PRUNE2: variants seen among roughly 807,000 people sequenced by gnomAD.
PRUNE2 encodes the protein prune homolog 2 with BCH domain, also known as protein prune homolog 2.
Under a neutral mutation model 252.0 loss-of-function variants are expected in PRUNE2, and 164 were observed. That is an observed-to-expected ratio of 0.65 (90% CI 0.57 to 0.74). The LOEUF (loss-of-function observed/expected upper bound fraction) is 0.74. Among genes scored for constraint, PRUNE2 ranks in the 30% least tolerant of loss-of-function variants. PRUNE2 has a pLI of 0.00. For missense variants in PRUNE2, 3,495 were observed against 3,711.0 expected (o/e 0.94, Z 1.51); for synonymous variants, 1,292 against 1,350.2 (o/e 0.96, Z 0.94).
chr9:76,651,741 C>G (rs1847481422), intron 11 of PRUNE2, among the ~76,000 whole-genome samples: 1 of 152,180 alleles, frequency 6.6e-6, no homozygotes, highest in Admixed American at 6.5e-5. Context: ...TAATTATCTT[C>G]TTTTTTATCA....
At chr9:76,834,456 A>G (rs2058844864) in intron 4 of PRUNE2, among the ~76,000 whole-genome samples, 1 of 152,220 alleles carries the variant, frequency 6.6e-6, no homozygotes, top group Non-Finnish European at 1.5e-5. Context: ...TTAAAAATCA[A>G]AAATTTAGAA....
At chr9:76,872,291 A>G (rs1333704674) in intron 1 of PRUNE2, among the ~76,000 whole-genome samples, 1 of 152,166 alleles carries the variant, frequency 6.6e-6, no homozygotes, top group African/African-American at 2.4e-5. Context: ...TCTTCTAAGA[A>G]GTGGAGGAAG....
chr9:76,800,622 A>C (rs912317743), intron 6 of PRUNE2, among the ~76,000 whole-genome samples: 4 of 152,190 alleles, frequency 2.6e-5, no homozygotes, highest in Admixed American at 2.0e-4. Context: ...TGTGAGGTTA[A>C]ATAACTTTTG....
chr9:76,720,937 TAAAAATACA>T (rs1354595697), intron 6 of PRUNE2, among the ~76,000 whole-genome samples: 2 of 152,000 alleles, frequency 1.3e-5, no homozygotes, highest in African/African-American at 4.8e-5. Context: ...CCATCTCCAC[TAAAAATACA>T]AAAAATTAGC....
intron 12 of PRUNE2, among the ~76,000 whole-genome samples, chr9:76,640,336 G>A (rs1842038351): frequency 6.6e-6 from 1 of 152,114 alleles, no homozygotes; most frequent in Admixed American, 6.6e-5. Flanking sequence ...TGACTCTACT[G>A]CAAAAAAATA....
chr9:76,614,609 A>G lies in PRUNE2; in HGVS notation c.9237-9T>C. The G allele has an allele frequency of 6.2e-7, 1 of 1,608,266 alleles. No individual in the cohort carries two copies. The highest frequency in any genetic ancestry group is 1.1e-5 in the South Asian group (1 of 90,720). On this transcript the variant is annotated splice_polypyrimidine_tract_variant and intron_variant, in intron 18 of 18. Transcript: ENST00000376718. ...TCAGCTTCAAGTCAATACTGCAAAG[A>G]AAAGAAAAAGAGAGAGAAACATGAG...
intron 9 of PRUNE2, 147 bp from the exon 10 acceptor site, chr9:76,655,649 C>G (rs1848909253): frequency 3.2e-6 from 2 of 620,310 alleles, no homozygotes; most frequent in Non-Finnish European, 5.8e-6. Context: ...GTAAGTGGTC[C>G]CAAATTAAAG....
In PRUNE2 at chr9:76,703,563, C is replaced by T. The variant is rs780597358; in HGVS notation, c.8050G>A (p.Glu2684Lys). The change falls in exon 9 of 19, where the codon GAA (glutamate) becomes AAA (lysine). Residue 2684 changes from glutamate (E) to lysine (K), a missense_variant. Physicochemically the swap from Glu to Lys is moderately conservative, Grantham distance 56. Coordinates refer to ENST00000376718, the MANE Select transcript of PRUNE2 (RefSeq NM_015225.3). ...GAGGCTTCCTCTAGTGCCAAAGATTCTAGAGGCTTCATTTCTTCCAGAATC... is the reference window on the plus strand; with the variant it reads ...GAGGCTTCCTCTAGTGCCAAAGATTTTAGAGGCTTCATTTCTTCCAGAATC... Reference protein sequence around the residue: ...LQILEEMKPLESLALEEASGP... With the variant: ...LQILEEMKPLKSLALEEASGP... 4 of 1,613,602 alleles carry T rather than the reference C, an allele frequency of 2.5e-6. No individual in the cohort carries two copies. In the Admixed American group the frequency reaches 6.7e-5, roughly 27 times the overall value.
intron 6 of PRUNE2, among the ~76,000 whole-genome samples, chr9:76,735,417 T>C (rs1364276575): frequency 1.8e-5 from 2 of 108,444 alleles, no homozygotes; most frequent in South Asian, 2.9e-4. Flanking sequence ...GTTTTCTTTC[T>C]TCTTTTTTTT....
In PRUNE2 at chr9:76,872,457, G is replaced by T. The variant is rs1167818685; in HGVS notation, c.37-18249C>A. The stretch of plus-strand genomic sequence containing the variant: ...ATTAATTGCCCTAAGTGTTGGGAAG[G>T]CTTCACAGAGGAGGTGACTTTTGCC... On this transcript the variant is annotated intron_variant, in intron 1 of 18. Coordinates refer to ENST00000376718, the MANE Select transcript of PRUNE2 (RefSeq NM_015225.3). Among the ~76,000 whole-genome samples the T allele has an allele frequency of 2.0e-5, 3 of 152,144 alleles. No homozygotes were observed. The East Asian group carries it at 5.8e-4, about 29-fold the overall frequency.
Position 76,619,895 on chromosome 9 carries a change from C to T in PRUNE2, c.9189-508G>A, listed in dbSNP as rs1831402429. On this transcript the variant is annotated intron_variant, in intron 17 of 18. Transcript: ENST00000376718. ...ATAACAGGACACTTACCACTCCATA[C>T]AGCTGAGCTGTGTCCAGGTGATACA... Among the ~76,000 whole-genome samples the T allele has an allele frequency of 1.3e-5, 2 of 152,228 alleles. 1 individual carries two copies. Among genetic ancestry groups the T allele is most frequent in the South Asian group, 4.1e-4 (2 of 4,832 alleles).
At position 76,706,334 on chromosome 9, in the gene PRUNE2, A is replaced by C; in HGVS notation, c.5940T>G (p.Asn1980Lys). The change falls in exon 8 of 19, where the codon AAT becomes AAG. Residue 1980 changes from asparagine to lysine, a missense_variant. By Grantham distance (94) the Asn-to-Lys change is moderately conservative. Transcript: ENST00000376718. ...TTGAAACATTAGATGTAACACAACT[A>C]TTTTCCTCTGCGTGAGTAAAGGCTG... ...PDTAFTHAEE[N>K]SCVTSNVSTN... 1 of 1,613,928 alleles carries C rather than the reference A, an allele frequency of 6.2e-7. No individual in the cohort carries two copies.
At chr9:76,843,329 G>A (rs2132395820) in intron 4 of PRUNE2, among the ~76,000 whole-genome samples, 1 of 152,250 alleles carries the variant, frequency 6.6e-6, no homozygotes, top group East Asian at 1.9e-4. Context: ...TGTTGGGGAT[G>A]GGGGCTAGGG....
At chr9:76,652,852 G>A (rs1436714556) in intron 10 of PRUNE2, among the ~76,000 whole-genome samples, 169 bp from the exon 11 acceptor site, 2 of 152,108 alleles carry the variant, frequency 1.3e-5, no homozygotes, top group African/African-American at 4.8e-5. Flanking sequence ...TTGAATTTGG[G>A]ATGTTCAGCC....
intron 6 of PRUNE2, among the ~76,000 whole-genome samples, chr9:76,794,607 C>G (rs112301560): frequency 0.037 from 4,873 of 131,798 alleles, 84 homozygotes; most frequent in East Asian, 0.084. Context: ...AAGAGAGACT[C>G]TGTCTCAAAA....
intron 9 of PRUNE2, chr9:76,692,360 T>A (rs1048938911): frequency 3.7e-6 from 2 of 537,152 alleles, no homozygotes; most frequent in East Asian, 3.2e-5. Flanking sequence ...TTAATTTTTA[T>A]GTCAGTTGAG....
At chr9:76,897,839 C>G (rs966901005) in intron 1 of PRUNE2, among the ~76,000 whole-genome samples, 13 of 152,200 alleles carry the variant, frequency 8.5e-5, no homozygotes, top group Admixed American at 7.2e-4. Flanking sequence ...AGAGCTAAGA[C>G]AGATATTCCA....
intron 9 of PRUNE2, among the ~76,000 whole-genome samples, chr9:76,664,933 C>A (rs1217147195): frequency 1.3e-5 from 2 of 152,166 alleles, no homozygotes; most frequent in Non-Finnish European, 2.9e-5. Context: ...TCTTTTCTTT[C>A]CCACCATTTC....
At chr9:76,774,448 C>T (rs1006547483) in intron 6 of PRUNE2, among the ~76,000 whole-genome samples, 2 of 57,606 alleles carry the variant, frequency 3.5e-5, no homozygotes, top group Admixed American at 2.9e-4. Flanking sequence ...TCCAGTTCAA[C>T]CCTTTTTTTT....
Sources: allele counts gnomAD v4.1 joint callset (sites outside exome capture counted in the v4.1 genomes callset), GRCh38; gene constraint gnomAD v4.1.1; transcripts MANE v1.5; gene names NCBI Gene and HGNC (gene_info 2026-07-23, HGNC 2026-07-21).